Variants in EDA observed in about 807,000 individuals in gnomAD.
EDA encodes ectodysplasin-A.
Under a neutral mutation model 23.6 loss-of-function variants are expected in EDA, and 2 were observed. That is an observed-to-expected ratio of 0.08 (90% CI 0.03 to 0.27). The LOEUF is 0.27. EDA is among the 10% of genes least tolerant of loss of function. EDA has a pLI of 1.00. For synonymous variants in EDA, 131 were observed against 132.0 expected (o/e 0.99, Z 0.05); for missense variants, 229 against 324.2 (o/e 0.71, Z 2.26).
At chrX:69,788,438 C>G (rs1240193986) in intron 1 of EDA, among the ~76,000 whole-genome samples, 2 of 111,704 alleles carry the variant, frequency 1.8e-5, no homozygotes, top group African/African-American at 6.5e-5. Context: ...TACTTTTGGT[C>G]TTTGATGATG....
intron 1 of EDA, among the ~76,000 whole-genome samples, chrX:69,682,837 G>T (rs1281833616): frequency 9.0e-6 from 1 of 111,287 alleles, no homozygotes; most frequent in Admixed American, 9.6e-5. Context: ...TGGCCATCTT[G>T]GCTCCTCCCC....
intron 1 of EDA, among the ~76,000 whole-genome samples, chrX:69,904,187 A>T (rs182639812): frequency 1.2e-3 from 130 of 111,919 alleles, no homozygotes; most frequent in African/African-American, 4.0e-3. Flanking sequence ...CATCTCAAGC[A>T]TTTATCTTTT....
intron 1 of EDA, among the ~76,000 whole-genome samples, chrX:69,631,625 C>CT (rs201914976): frequency 0.15 from 15,053 of 100,968 alleles, 1,190 homozygotes; most frequent in Non-Finnish European, 0.22. Context: ...CTGTTAAAAT[C>CT]TTTTTTTTTT....
At chrX:69,645,147 A>G (rs1406459429) in intron 1 of EDA, among the ~76,000 whole-genome samples, 1 of 110,487 alleles carries the variant, frequency 9.1e-6, no homozygotes, top group African/African-American at 3.3e-5. Context: ...CTCCTTTTCA[A>G]TTGTTTGGAA....
chrX:69,789,204 G>T, intron 1 of EDA, among the ~76,000 whole-genome samples: 1 of 111,922 alleles, frequency 8.9e-6, no homozygotes, highest in Middle Eastern at 4.6e-3. Context: ...GCACTCCCTA[G>T]TGAGATGAAC....
At chrX:69,663,635 G>T (rs1387949681) in intron 1 of EDA, among the ~76,000 whole-genome samples, 1 of 112,381 alleles carries the variant, frequency 8.9e-6, no homozygotes, top group Admixed American at 9.4e-5. Context: ...GCACTGCCTG[G>T]TGGAGCTATG....
chrX:69,624,826 A>T (rs1932321791), intron 1 of EDA, among the ~76,000 whole-genome samples: 1 of 99,241 alleles, frequency 1.0e-5, no homozygotes, highest in African/African-American at 3.9e-5. Context: ...CTCTCAGCTG[A>T]CTCTACTATA....
At chrX:69,830,541 A>G (rs1414668385) in intron 1 of EDA, among the ~76,000 whole-genome samples, 1 of 111,935 alleles carries the variant, frequency 8.9e-6, no homozygotes, top group Non-Finnish European at 1.9e-5. Context: ...TAGTATTTGC[A>G]TAGGTGCCAC....
At chrX:69,800,752 T>C (rs5936753) in intron 1 of EDA, among the ~76,000 whole-genome samples, 24,072 of 111,154 alleles carry the variant, frequency 0.22, 1,978 homozygotes, top group East Asian at 0.27. Flanking sequence ...TTCTCTACCT[T>C]TTGGGATAGT....
At chrX:69,954,269 C>T (rs752620298) in intron 1 of EDA, among the ~76,000 whole-genome samples, 1 of 111,132 alleles carries the variant, frequency 9.0e-6, no homozygotes, top group African/African-American at 3.3e-5. Flanking sequence ...CCTTTAAGCA[C>T]AGCACTCCTT....
intron 1 of EDA, among the ~76,000 whole-genome samples, chrX:69,804,291 G>A (rs901387066): frequency 9.0e-6 from 1 of 110,775 alleles, no homozygotes; most frequent in Non-Finnish European, 1.9e-5. Flanking sequence ...ATTTATATTT[G>A]AGAAAGAATG....
intron 1 of EDA, among the ~76,000 whole-genome samples, chrX:69,654,062 G>T (rs1276496980): frequency 9.0e-6 from 1 of 111,440 alleles, no homozygotes; most frequent in Non-Finnish European, 1.9e-5. Context: ...CTGACAAAGG[G>T]CTAATATCCA....
intron 1 of EDA, among the ~76,000 whole-genome samples, chrX:69,753,166 G>A: frequency 9.0e-6 from 1 of 111,566 alleles, no homozygotes; most frequent in Non-Finnish European, 1.9e-5. Context: ...TAATTGTGAT[G>A]TTAGGGTGTC....
chrX:69,772,431 T>C (rs2014664219), intron 1 of EDA, among the ~76,000 whole-genome samples: 1 of 112,491 alleles, frequency 8.9e-6, no homozygotes, highest in African/African-American at 3.2e-5. Flanking sequence ...ATTTGTTAAA[T>C]TTTTATTAAG....
chrX:69,787,705 C>T (rs958861588), intron 1 of EDA, among the ~76,000 whole-genome samples: 2 of 111,240 alleles, frequency 1.8e-5, no homozygotes, highest in Non-Finnish European at 3.8e-5. Context: ...CCTGACCTTT[C>T]TCTCTGGCTG....
At chrX:69,788,177 C>A (rs1263147478) in intron 1 of EDA, among the ~76,000 whole-genome samples, 1 of 111,533 alleles carries the variant, frequency 9.0e-6, no homozygotes, top group Admixed American at 9.5e-5. Context: ...ATTGATTATT[C>A]TAGTTATACA....
intron 1 of EDA, among the ~76,000 whole-genome samples, chrX:69,679,171 C>A (rs573753020): frequency 2.8e-5 from 3 of 109,017 alleles, no homozygotes; most frequent in Admixed American, 9.8e-5. Flanking sequence ...AGGGATGAAG[C>A]CCACTTGATC....
intron 1 of EDA, among the ~76,000 whole-genome samples, chrX:69,660,268 C>A (rs752268879): frequency 7.2e-5 from 8 of 110,700 alleles, no homozygotes; most frequent in African/African-American, 2.6e-4. Flanking sequence ...CATCAGAGTT[C>A]TTTGTAGTTG....
Position 69,956,342 on chromosome X carries a change from CTT to C in EDA, c.397-667_397-666del, listed in dbSNP as rs200365541. Among the ~76,000 whole-genome samples the C allele has an allele frequency of 1.7e-3, 126 of 73,669 alleles. 3 individuals are homozygous for C. The highest frequency in any genetic ancestry group is 1.7e-3 in the African/African-American group (34 of 20,410). The allele number at this position is 73,669 out of a possible 115,157, so 64.0% of individuals were successfully genotyped here. A position where few individuals can be genotyped will look rare whatever the true frequency, so the allele number is the denominator to read the frequency against. The stretch of plus-strand genomic sequence containing the variant: ...CTCTTTCTCTTTCTCTTTCTTTCTT[CTT>C]TTTTTTTTTTTTTTTTTACAGAGTT... On this transcript the variant is annotated intron_variant, in intron 1 of 7. Transcript: ENST00000374552.
Sources: gnomAD v4.1 joint callset for allele counts (sites outside exome capture counted in the v4.1 genomes callset) on GRCh38, gnomAD v4.1.1 for gene constraint, MANE v1.5 for transcripts, NCBI Gene and HGNC (gene_info 2026-07-23, HGNC 2026-07-21) for gene names.